PCDH15: variants seen among roughly 807,000 people sequenced by gnomAD.
PCDH15 encodes the protein protocadherin-15.
Under a neutral mutation model 178.5 loss-of-function variants are expected in PCDH15, and 129 were observed. The ratio of observed to expected loss-of-function variants is 0.72; its 90% CI spans 0.63 to 0.84. The LOEUF is 0.84. PCDH15 is among the 40% of genes least tolerant of loss of function. The pLI is 0.00. For missense variants in PCDH15, 2,230 were observed against 2,099.9 expected, an observed-to-expected ratio of 1.06 and a Z score of -1.21; for synonymous variants, 800 against 732.0, an observed-to-expected ratio of 1.09 and a Z score of -1.50.
At chr10:54,179,565 A>G (rs2047779614) in intron 13 of PCDH15, among the ~76,000 whole-genome samples, 1 of 152,048 alleles carries the variant, frequency 6.6e-6, no homozygotes, top group South Asian at 2.1e-4. Context: ...AACTTAAAGT[A>G]TAATAATAAT....
At chr10:54,148,784 C>G (rs1322303402) in intron 14 of PCDH15, among the ~76,000 whole-genome samples, 1 of 151,040 alleles carries the variant, frequency 6.6e-6, no homozygotes, top group Non-Finnish European at 1.5e-5. Flanking sequence ...CCTAACATAC[C>G]CAGTTCAAAA....
chr10:54,108,740 T>G (rs2136226278), intron 15 of PCDH15, among the ~76,000 whole-genome samples: 1 of 152,256 alleles, frequency 6.6e-6, no homozygotes, highest in South Asian at 2.1e-4. Context: ...TCTTTACTTC[T>G]GCTGAGGAGA....
intron 3 of PCDH15, among the ~76,000 whole-genome samples, chr10:54,838,329 T>A (rs1440362221): frequency 6.6e-6 from 1 of 152,072 alleles, no homozygotes; most frequent in East Asian, 1.9e-4. Context: ...CTCGTGATAG[T>A]AAGTGAGTCT....
chr10:55,401,053 T>C (rs1004669731), intron 2 of PCDH15, among the ~76,000 whole-genome samples: 2 of 152,114 alleles, frequency 1.3e-5, no homozygotes, highest in East Asian at 1.9e-4. Context: ...ATGTTTATTA[T>C]AGATTAAGTA....
At chr10:54,516,864 G>A (rs573915888) in intron 3 of PCDH15, among the ~76,000 whole-genome samples, 34 of 152,222 alleles carry the variant, frequency 2.2e-4, no homozygotes, top group African/African-American at 7.7e-4. Context: ...CAGATCTCTC[G>A]GCAGAAACTC....
chr10:54,354,677 T>C (rs1242518348), intron 5 of PCDH15, among the ~76,000 whole-genome samples: 9 of 152,168 alleles, frequency 5.9e-5, no homozygotes, highest in African/African-American at 1.9e-4. Context: ...TAAACCATAA[T>C]TTATTTCATA....
chr10:54,970,178 C>A (rs1336705703), intron 2 of PCDH15, among the ~76,000 whole-genome samples: 1 of 152,112 alleles, frequency 6.6e-6, no homozygotes, highest in Non-Finnish European at 1.5e-5. Flanking sequence ...GGACACTGAA[C>A]CTGCTAGTAC....
intron 2 of PCDH15, among the ~76,000 whole-genome samples, chr10:55,434,315 C>A (rs968844761): frequency 3.3e-5 from 5 of 151,832 alleles, no homozygotes; most frequent in Non-Finnish European, 7.4e-5. Context: ...CTTGGCCTCC[C>A]AAAGTGCTGG....
intron 21 of PCDH15, among the ~76,000 whole-genome samples, chr10:53,986,080 G>A (rs2091078984): frequency 6.6e-6 from 1 of 151,674 alleles, no homozygotes; most frequent in Non-Finnish European, 1.5e-5. Context: ...CACAATTTTG[G>A]AAAGCAGATC....
At chr10:54,853,422 T>C (rs11004601) in intron 3 of PCDH15, among the ~76,000 whole-genome samples, 78 of 138,272 alleles carry the variant, frequency 5.6e-4, no homozygotes, top group South Asian at 2.5e-3. Flanking sequence ...TACACATACA[T>C]ATATATATAC....
chr10:53,957,254 C>T (rs147736329), intron 23 of PCDH15, among the ~76,000 whole-genome samples: 26 of 151,290 alleles, frequency 1.7e-4, no homozygotes, highest in African/African-American at 5.4e-4. Flanking sequence ...AAACTGTGAG[C>T]GTTTTTTTGG....
At chr10:55,157,683 T>C (rs1838927754) in intron 2 of PCDH15, among the ~76,000 whole-genome samples, 1 of 151,876 alleles carries the variant, frequency 6.6e-6, no homozygotes, top group African/African-American at 2.4e-5. Flanking sequence ...GAAACCATCA[T>C]TCCTAGCAAA....
chr10:55,454,445 T>C (rs1019806573), intron 2 of PCDH15, among the ~76,000 whole-genome samples: 1 of 151,992 alleles, frequency 6.6e-6, no homozygotes, highest in South Asian at 2.1e-4. Context: ...CCTATGTAAT[T>C]GCCTTTTTGA....
intron 8 of PCDH15, among the ~76,000 whole-genome samples, chr10:54,242,130 T>TATATA (rs2055394419): frequency 1.6e-4 from 5 of 31,692 alleles, no homozygotes; most frequent in Admixed American, 3.9e-4. Flanking sequence ...AATTCTATTT[T>TATATA]TATATATATA....
At chr10:54,340,164 G>T (rs1477499863) in intron 6 of PCDH15, among the ~76,000 whole-genome samples, 1 of 152,080 alleles carries the variant, frequency 6.6e-6, no homozygotes, top group African/African-American at 2.4e-5. Flanking sequence ...AGCCATGAAA[G>T]GATAGGGAAT....
At position 54,318,874 on chromosome 10, in the gene PCDH15, A is replaced by G. The variant is rs572120453; in HGVS notation, c.706-1433T>C. Among the ~76,000 whole-genome samples the G allele has an allele frequency of 2.0e-5, 3 of 152,304 alleles. No homozygotes were observed. The South Asian group carries it at 6.2e-4, about 32-fold the overall frequency. On this transcript the variant is annotated intron_variant, in intron 7 of 37. Coordinates refer to ENST00000644397, the MANE Select transcript of PCDH15 (RefSeq NM_001384140.1). Reference sequence around the variant, plus strand: ...TCATCACCTGGCTGAGGCTGTATCTAGTCAGTTTTCTCAACTATAAATTTC... The same window carrying G: ...TCATCACCTGGCTGAGGCTGTATCTGGTCAGTTTTCTCAACTATAAATTTC...
intron 1 of PCDH15, among the ~76,000 whole-genome samples, chr10:54,695,505 G>A (rs967144504): frequency 3.9e-5 from 6 of 152,086 alleles, no homozygotes; most frequent in African/African-American, 1.4e-4. Context: ...GGAAAATTTA[G>A]CTAAGATCAT....
chr10:54,192,154 AAAAG>A (rs141596947), intron 11 of PCDH15, among the ~76,000 whole-genome samples: 24,980 of 132,482 alleles, frequency 0.19, 3,657 homozygotes, highest in East Asian at 0.85. Flanking sequence ...GAAAGAAAGA[AAAAG>A]AAAGAAAGAA....
chr10:55,237,898 T>C (rs1187200531), intron 1 of PCDH15, among the ~76,000 whole-genome samples: 1 of 151,962 alleles, frequency 6.6e-6, no homozygotes, highest in Non-Finnish European at 1.5e-5. Flanking sequence ...CAATATTAAA[T>C]TATAAATATG....
Sources: gnomAD v4.1 joint callset for allele counts (sites outside exome capture counted in the v4.1 genomes callset) on GRCh38, gnomAD v4.1.1 for gene constraint, MANE v1.5 for transcripts, NCBI Gene and HGNC (gene_info 2026-07-23, HGNC 2026-07-21) for gene names.